SLC28A3: variants seen among roughly 807,000 people sequenced by gnomAD.
SLC28A3 encodes the protein concentrative Na(+)-nucleoside cotransporter 3.
A neutral mutation model predicts 84.2 loss-of-function variants in SLC28A3; 68 were observed. That is an observed-to-expected ratio of 0.81 (90% CI 0.66 to 0.99). SLC28A3 has a LOEUF of 0.99. SLC28A3 is among the 50% of genes least tolerant of loss of function. The probability of loss-of-function intolerance (pLI) is 0.00; values close to 1 mark genes in which losing one functional copy is unlikely to be tolerated. For missense variants in SLC28A3, 712 were observed against 841.5 expected, an observed-to-expected ratio of 0.85 and a Z score of 1.90; for synonymous variants, 267 against 303.6, an observed-to-expected ratio of 0.88 and a Z score of 1.25.
At chr9:84,338,271 T>C (rs1827049020) in intron 1 of SLC28A3, among the ~76,000 whole-genome samples, 1 of 152,256 alleles carries the variant, frequency 6.6e-6, no homozygotes, top group Non-Finnish European at 1.5e-5. Flanking sequence ...GGCATGTTAA[T>C]GCATATTTAA....
chr9:84,352,191 G>A, the SLC28A3 span, among the ~76,000 whole-genome samples: 4 of 151,796 alleles, frequency 2.6e-5, no homozygotes, highest in Non-Finnish European at 5.9e-5. Context: ...AAAAAATTTT[G>A]CTTTTTTTTT....
In SLC28A3 at chr9:84,299,720, A is replaced by C. The variant is rs1413849839; in HGVS notation, c.530T>G (p.Ile177Ser). 2 of 1,596,970 alleles carry C rather than the reference A, an allele frequency of 1.3e-6. No homozygotes were observed. The highest frequency in any genetic ancestry group is 1.7e-6 in the Non-Finnish European group (2 of 1,175,266). ...NSHWFWLKWV[I>S]WSSLVLAVIF... ...AACTGCTAGGACCAGGGAGCTCCAG[A>C]TCACCCTAAGAGAAGGGGAAAGGAG... Residue 177 changes from isoleucine to serine, a missense_variant, in exon 6 of 18, where the codon ATC becomes AGC. Physicochemically the swap from Ile to Ser is moderately radical, Grantham distance 142. Coordinates refer to ENST00000376238, the MANE Select transcript of SLC28A3 (RefSeq NM_001199633.2).
At chr9:84,339,012 A>T (rs985730099) in intron 1 of SLC28A3, among the ~76,000 whole-genome samples, 9 of 152,186 alleles carry the variant, frequency 5.9e-5, no homozygotes, top group African/African-American at 2.2e-4. Flanking sequence ...TTATCACCAA[A>T]GACAGAGATG....
At chr9:84,296,369 T>C (rs1469605538) in intron 8 of SLC28A3, among the ~76,000 whole-genome samples, 2 of 152,240 alleles carry the variant, frequency 1.3e-5, no homozygotes, top group Admixed American at 6.5e-5. Context: ...TTTAACGTTT[T>C]AGGCTGAATC....
chr9:84,296,552 G>A (rs1435097639), intron 8 of SLC28A3, among the ~76,000 whole-genome samples: 1 of 152,188 alleles, frequency 6.6e-6, no homozygotes, highest in East Asian at 1.9e-4. Flanking sequence ...GTGTTTGTAG[G>A]GACTTCCCAG....
upstream of SLC28A3, among the ~76,000 whole-genome samples, chr9:84,344,075 G>A (rs1323898411): frequency 6.6e-6 from 1 of 151,728 alleles, no homozygotes; most frequent in Non-Finnish European, 1.5e-5. Flanking sequence ...ATAAAACGGA[G>A]ATAACAGTAC....
Position 84,340,626 on chromosome 9 carries a change from A to G in SLC28A3, c.8T>C (p.Leu3Pro). ME[L>P]RSTAAPRAEG... ...AGCTCTGGGGGCTGCTGTACTCCTC[A>G]GCTCCATGCTCTTTTTGCTGCTGGC... The change falls in exon 1 of 18, where the codon CTG becomes CCG. Residue 3 changes from leucine to proline, a missense_variant. Transcript: ENST00000376238. The G allele has an allele frequency of 6.2e-7, 1 of 1,614,108 alleles. No individual in the cohort carries two copies. Among genetic ancestry groups the G allele is most frequent in the South Asian group, 1.1e-5 (1 of 91,076 alleles).
intron 10 of SLC28A3, 193 bp downstream of exon 10, chr9:84,292,475 G>GTCTCTCTCTCTCTCTCTCTCTCTCTGTC (rs57280644): frequency 2.9e-6 from 1 of 340,262 alleles, no homozygotes; most frequent in East Asian, 5.0e-5. Flanking sequence ...CTCTCTCTCT[G>GTCTCTCTCTCTCTCTCTCTCTCTCTGTC]TCTCTCTCTC....
intron 1 of SLC28A3, among the ~76,000 whole-genome samples, chr9:84,337,500 A>C (rs1296342481): frequency 6.6e-6 from 1 of 152,022 alleles, no homozygotes; most frequent in Non-Finnish European, 1.5e-5. Flanking sequence ...GTGTGTGTGT[A>C]CTTTGTCCTT....
At chr9:84,332,717 G>A (rs939161823) in intron 1 of SLC28A3, among the ~76,000 whole-genome samples, 1 of 151,906 alleles carries the variant, frequency 6.6e-6, no homozygotes, top group Non-Finnish European at 1.5e-5. Flanking sequence ...TTAATAAAGA[G>A]TTACACTTGT....
intron 1 of SLC28A3, among the ~76,000 whole-genome samples, chr9:84,316,622 G>T (rs761479733): frequency 2.0e-5 from 3 of 152,174 alleles, no homozygotes; most frequent in African/African-American, 4.8e-5. Context: ...ACTTTATTGG[G>T]ATGAAACTAA....
At chr9:84,280,174 C>CTTTTT in intron 15 of SLC28A3, 101 bp from the exon 16 acceptor site, 9 of 699,762 alleles carry the variant, frequency 1.3e-5, no homozygotes, top group South Asian at 9.6e-5. Context: ...GGTCAGCTGA[C>CTTTTT]TTTTTTTTTT....
chr9:84,312,047 G>T (rs1266632409), intron 2 of SLC28A3, among the ~76,000 whole-genome samples: 1 of 152,212 alleles, frequency 6.6e-6, no homozygotes, highest in Non-Finnish European at 1.5e-5. Flanking sequence ...GTCTTTTCAT[G>T]GCTTGATAGT....
intron 1 of SLC28A3, among the ~76,000 whole-genome samples, chr9:84,328,006 G>C (rs1414086121): frequency 2.0e-5 from 3 of 151,400 alleles, no homozygotes; most frequent in Admixed American, 6.6e-5. Flanking sequence ...ACCCAGTACT[G>C]TTTCTCTGGT....
chr9:84,341,283 G>A (rs149206440), upstream of SLC28A3, among the ~76,000 whole-genome samples: 54 of 152,170 alleles, frequency 3.5e-4, no homozygotes, highest in African/African-American at 9.4e-4. Flanking sequence ...AAAAGGACAC[G>A]TTCTCTATAG....
intron 2 of SLC28A3, chr9:84,310,330 A>T: frequency 2.2e-6 from 2 of 906,532 alleles, no homozygotes; most frequent in Non-Finnish European, 2.6e-6. Context: ...CCATTTTTTC[A>T]TGGACAATCT....
At chr9:84,360,084 A>C in the SLC28A3 span, among the ~76,000 whole-genome samples, 3 of 152,014 alleles carry the variant, frequency 2.0e-5, no homozygotes, top group African/African-American at 7.2e-5. Flanking sequence ...TGACGTGGGA[A>C]GGAACCTTGA....
rs186253478 is a variant in SLC28A3 at position 84,328,346 on chromosome 9, A to C, written c.60+12228T>G. On this transcript the variant is annotated intron_variant, in intron 1 of 17. Transcript: ENST00000376238. The stretch of plus-strand genomic sequence containing the variant: ...AAAATTAAAAAGGAAAAAAAAAAAA[A>C]CATGATCTGGCCAGGTGTGGTAGCT... Among the ~76,000 whole-genome samples, 657 of 151,902 alleles carry C rather than the reference A, an allele frequency of 4.3e-3. 3 individuals are homozygous for C. Among genetic ancestry groups the C allele is most frequent in the Middle Eastern group, 0.014 (4 of 294 alleles).
intron 2 of SLC28A3, 64 bp downstream of exon 2, chr9:84,313,295 C>G: frequency 1.4e-6 from 2 of 1,437,394 alleles, no homozygotes; most frequent in Admixed American, 1.8e-5. Context: ...GCCCACTGTT[C>G]TCAGGTGCCT....
Sources: allele counts gnomAD v4.1 joint callset (sites outside exome capture counted in the v4.1 genomes callset), GRCh38; gene constraint gnomAD v4.1.1; transcripts MANE v1.5; gene names NCBI Gene and HGNC (gene_info 2026-07-23, HGNC 2026-07-21).